DPCD: variants seen among roughly 807,000 people sequenced by gnomAD.
The protein encoded by DPCD is deleted in primary ciliary dyskinesia homolog (mouse), also known as protein DPCD.
In DPCD, 20 loss-of-function variants were observed where a neutral mutation model predicts 26.4. The ratio of observed to expected loss-of-function variants is 0.76; its 90% confidence interval spans 0.53 to 1.10. DPCD has a LOEUF of 1.10. Among genes scored for constraint, DPCD ranks in the 50% least tolerant of loss-of-function variants. DPCD has a pLI of 0.00. For missense variants in DPCD, 202 were observed against 253.9 expected, an observed-to-expected ratio of 0.80 and a Z score of 1.39; for synonymous variants, 97 against 94.2, an observed-to-expected ratio of 1.03 and a Z score of -0.17.
intron 4 of DPCD, among the ~76,000 whole-genome samples, chr10:101,606,916 C>T (rs751092594): frequency 1.3e-5 from 2 of 152,180 alleles, no homozygotes; most frequent in Non-Finnish European, 2.9e-5. Context: ...AGTTGGTTAA[C>T]CTCGACCAAT....
intron 1 of DPCD, among the ~76,000 whole-genome samples, chr10:101,590,165 T>C (rs2063592239): frequency 6.6e-6 from 1 of 151,760 alleles, no homozygotes; most frequent in South Asian, 2.1e-4. Context: ...TGTGAAGGTG[T>C]GAAGGTACGT....
At chr10:101,588,543 A>G (rs1434476710) in intron 1 of DPCD, 143 bp downstream of exon 1, 2 of 1,466,282 alleles carry the variant, frequency 1.4e-6, no homozygotes, top group South Asian at 1.3e-5. Context: ...AGATGAGGAG[A>G]CTGAGGTTCA....
chr10:101,608,719 T>C (rs2063749292), intron 4 of DPCD, 116 bp from the exon 5 acceptor site: 10 of 691,784 alleles, frequency 1.4e-5, no homozygotes, highest in Non-Finnish European at 1.3e-5. Flanking sequence ...CTTCTCCCTC[T>C]CTGCGTGTGT....
At chr10:101,602,672 G>A (rs2063706354) in intron 4 of DPCD, among the ~76,000 whole-genome samples, 2 of 152,240 alleles carry the variant, frequency 1.3e-5, no homozygotes, top group Admixed American at 1.3e-4. Context: ...AGACAACAGA[G>A]AAATTGCCTG....
intron 2 of DPCD, among the ~76,000 whole-genome samples, chr10:101,596,290 T>C (rs1057355684): frequency 9.2e-5 from 14 of 151,872 alleles, no homozygotes; most frequent in Admixed American, 8.5e-4. Flanking sequence ...CTAATAATGA[T>C]ATTAATAGCG....
At chr10:101,602,334 C>T (rs371581063) in intron 4 of DPCD, among the ~76,000 whole-genome samples, 3 of 152,278 alleles carry the variant, frequency 2.0e-5, no homozygotes, top group East Asian at 3.9e-4. Flanking sequence ...CTCAGGCTCA[C>T]GAGGCCCACA....
intron 2 of DPCD, among the ~76,000 whole-genome samples, chr10:101,598,633 T>G (rs1450954810): frequency 1.1e-4 from 14 of 121,962 alleles, no homozygotes; most frequent in Non-Finnish European, 1.9e-4. Flanking sequence ...TTTTTTTTTT[T>G]TTTTTTTTGA....
chr10:101,596,505 C>T (rs938569615), intron 2 of DPCD: 1 of 152,148 alleles, frequency 6.6e-6, no homozygotes, highest in Non-Finnish European at 1.5e-5. Flanking sequence ...ATTAAGAGCC[C>T]ATGCTTTAGT....
At chr10:101,602,313 C>T (rs1259109158) in intron 4 of DPCD, among the ~76,000 whole-genome samples, 1 of 152,234 alleles carries the variant, frequency 6.6e-6, no homozygotes, top group Non-Finnish European at 1.5e-5. Context: ...CCAGTCTCCC[C>T]TTCCATCTCC....
intron 1 of DPCD, among the ~76,000 whole-genome samples, chr10:101,592,939 G>A (rs371531307): frequency 1.4e-3 from 195 of 142,198 alleles, no homozygotes; most frequent in African/African-American, 4.9e-3. Context: ...GCTTAAACCC[G>A]GGAGGCAGAG....
At position 101,601,181 on chromosome 10, in the gene DPCD, G is replaced by A. The variant is rs73349886; in HGVS notation, c.271-22G>A. On this transcript the variant is annotated intron_variant, in intron 3 of 5. Transcript: ENST00000370151. ...CTTCCCTTCCCCAGGAACAGTCCTCGAGTTGGATTTGCCTTCTGCAGCCTA... is the reference window on the plus strand; with the variant it reads ...CTTCCCTTCCCCAGGAACAGTCCTCAAGTTGGATTTGCCTTCTGCAGCCTA... 7.2e-3 allele frequency: 11,697 copies of A among 1,613,428 alleles called. 615 individuals are homozygous for A. In the African/African-American group the frequency reaches 0.12, roughly 17 times the overall value.
chr10:101,607,127 T>C (rs1227313208), intron 4 of DPCD, among the ~76,000 whole-genome samples: 2 of 152,214 alleles, frequency 1.3e-5, no homozygotes, highest in African/African-American at 4.8e-5. Flanking sequence ...CCTGGGGGAA[T>C]GGTTCTGCTG....
At chr10:101,597,106 G>A (rs2134762941) in intron 2 of DPCD, among the ~76,000 whole-genome samples, 1 of 152,278 alleles carries the variant, frequency 6.6e-6, no homozygotes, top group Admixed American at 6.5e-5. Flanking sequence ...CATCAAACCA[G>A]CCTGAGAAGA....
chr10:101,605,667 G>A (rs967662398), intron 4 of DPCD, among the ~76,000 whole-genome samples: 1 of 152,184 alleles, frequency 6.6e-6, no homozygotes, highest in Non-Finnish European at 1.5e-5. Context: ...CAGGGGACCC[G>A]CAGAGTGTTC....
At chr10:101,601,894 A>G (rs944075990) in intron 4 of DPCD, among the ~76,000 whole-genome samples, 1 of 152,136 alleles carries the variant, frequency 6.6e-6, no homozygotes, top group Non-Finnish European at 1.5e-5. Flanking sequence ...CTCTTGCATA[A>G]TGCTTCAAAA....
chr10:101,591,381 T>G (rs2063605683), intron 1 of DPCD, among the ~76,000 whole-genome samples: 1 of 152,218 alleles, frequency 6.6e-6, no homozygotes, highest in South Asian at 2.1e-4. Flanking sequence ...TAAGTTCTTT[T>G]GTTAGTAGCA....
In DPCD at chr10:101,608,874, C is replaced by T; in HGVS notation, c.444C>T (p.His148=). ...KKFSIPDLDR[H]QLPLDDALLS... ...TCTCCATTCCTGATCTAGATAGACACCAGCTACCTCTGGATGACGCCTTGC... is the reference window on the plus strand; with the variant it reads ...TCTCCATTCCTGATCTAGATAGACATCAGCTACCTCTGGATGACGCCTTGC... The change falls in exon 5 of 6, where the codon CAC becomes CAT. Residue 148 remains histidine (H), a synonymous_variant. Coordinates refer to ENST00000370151, the MANE Select transcript of DPCD (RefSeq NM_015448.3). 4 of 1,613,830 alleles carry T rather than the reference C, an allele frequency of 2.5e-6. No individual in the cohort carries two copies. The highest frequency in any genetic ancestry group is 2.2e-5 in the South Asian group (2 of 91,060).
intron 1 of DPCD, among the ~76,000 whole-genome samples, chr10:101,591,015 T>C (rs2063603283): frequency 6.6e-6 from 1 of 152,226 alleles, no homozygotes. Context: ...GTTTGGATCC[T>C]TTCCAGCTGT....
chr10:101,589,734 A>G (rs1180376217), intron 1 of DPCD, among the ~76,000 whole-genome samples: 1 of 152,150 alleles, frequency 6.6e-6, no homozygotes, highest in Admixed American at 6.5e-5. Context: ...ATACAAAAAA[A>G]TTAGCCAGGT....
Sources: allele counts gnomAD v4.1 joint callset (sites outside exome capture counted in the v4.1 genomes callset), GRCh38; gene constraint gnomAD v4.1.1; transcripts MANE v1.5; gene names NCBI Gene and HGNC (gene_info 2026-07-23, HGNC 2026-07-21).